The following LRRC49 variants were observed in gnomAD, a reference collection of about 807,000 sequenced individuals.
LRRC49 encodes the protein leucine rich repeat containing 49, also known as leucine-rich repeat-containing protein 49.
In LRRC49, 50 loss-of-function variants were observed where a neutral mutation model predicts 83.3. That is an observed-to-expected ratio of 0.60 (90% CI 0.48 to 0.76). The LOEUF (loss-of-function observed/expected upper bound fraction) is 0.76, where lower values mean the gene tolerates loss of function less well. Among genes scored for constraint, LRRC49 ranks in the 30% least tolerant of loss-of-function variants. The pLI is 0.00. For synonymous variants in LRRC49, 286 were observed against 283.3 expected (o/e 1.01, Z -0.10); for missense variants, 704 against 809.1 (o/e 0.87, Z 1.58).
At chr15:70,966,137 C>A (rs1333101136) in intron 9 of LRRC49, among the ~76,000 whole-genome samples, 2 of 152,056 alleles carry the variant, frequency 1.3e-5, no homozygotes, top group Non-Finnish European at 2.9e-5. Context: ...ACTATTTTTT[C>A]TCTTTAAGAA....
intron 8 of LRRC49, among the ~76,000 whole-genome samples, chr15:70,951,380 T>G (rs2036211886): frequency 6.6e-6 from 1 of 152,194 alleles, no homozygotes. Flanking sequence ...ATGTTGATTC[T>G]TCTTATCCTT....
chr15:70,865,726 T>A (rs2032894997), intron 1 of LRRC49, among the ~76,000 whole-genome samples: 2 of 152,194 alleles, frequency 1.3e-5, no homozygotes, highest in African/African-American at 4.8e-5. Flanking sequence ...GCAAGAAGTA[T>A]AACCTACCTG....
rs113210155 is a variant in LRRC49 at position 71,050,844 on chromosome 15, C to CTT, written c.*1244_*1245dup. The CTT allele has an allele frequency of 1.2e-4, 18 of 144,808 alleles. No individual in the cohort carries two copies. Among genetic ancestry groups the CTT allele is most frequent in the African/African-American group, 3.3e-4 (13 of 39,590 alleles). 9.0% of individuals were successfully genotyped at this position (144,808 alleles called of 1,614,324 possible). ...AAGGCTGTCCTGGTTTTTTCTTTTT[C>CTT]TTTTTTTTTTTTTGAGACAGAGTCT... On this transcript the variant is annotated 3_prime_UTR_variant, in exon 16 of 16. Coordinates refer to ENST00000260382, the MANE Select transcript of LRRC49 (RefSeq NM_017691.5).
intron 15 of LRRC49, among the ~76,000 whole-genome samples, chr15:71,047,668 A>T (rs1050820934): frequency 1.3e-5 from 2 of 152,158 alleles, no homozygotes; most frequent in Non-Finnish European, 2.9e-5. Context: ...ATGCTTTTTA[A>T]TTTCTTTCTC....
intron 2 of LRRC49, chr15:70,881,322 T>A (rs1175758424): frequency 5.3e-5 from 8 of 152,222 alleles, no homozygotes; most frequent in Non-Finnish European, 1.2e-4. Context: ...TTTTACACAA[T>A]CATTGTTCAG....
At chr15:70,987,731 G>A (rs560879564) in intron 11 of LRRC49, among the ~76,000 whole-genome samples, 22 of 152,106 alleles carry the variant, frequency 1.4e-4, no homozygotes, top group Admixed American at 1.4e-3. Context: ...TGATGTTAGG[G>A]TGTCAATTTT....
chr15:70,986,981 A>C (rs1341455544), intron 11 of LRRC49, among the ~76,000 whole-genome samples: 2 of 152,184 alleles, frequency 1.3e-5, no homozygotes, highest in South Asian at 2.1e-4. Flanking sequence ...CCCAGGGATG[A>C]AGCCCACTTG....
chr15:70,870,623 T>C (rs893642989), intron 1 of LRRC49, among the ~76,000 whole-genome samples: 1 of 152,226 alleles, frequency 6.6e-6, no homozygotes, highest in African/African-American at 2.4e-5. Flanking sequence ...CCCGAGTAGC[T>C]GGGATTACAG....
At chr15:71,029,355 G>T (rs1490254725) in intron 14 of LRRC49, among the ~76,000 whole-genome samples, 1 of 152,168 alleles carries the variant, frequency 6.6e-6, no homozygotes, top group African/African-American at 2.4e-5. Flanking sequence ...TCTTAATCCT[G>T]AGTTCTAATT....
At chr15:71,024,081 A>C (rs2039080909) in intron 14 of LRRC49, among the ~76,000 whole-genome samples, 1 of 152,208 alleles carries the variant, frequency 6.6e-6, no homozygotes, top group South Asian at 2.1e-4. Context: ...CAGCAACTCC[A>C]GCCAGGGGTT....
At chr15:70,881,456 C>G (rs1266057328) in intron 2 of LRRC49, 4 of 152,104 alleles carry the variant, frequency 2.6e-5, no homozygotes, top group African/African-American at 9.7e-5. Flanking sequence ...GCAAGTTCTT[C>G]TAATCATTCA....
intron 11 of LRRC49, among the ~76,000 whole-genome samples, chr15:70,990,955 T>G (rs553210580): frequency 2.0e-5 from 3 of 152,218 alleles, no homozygotes; most frequent in Admixed American, 6.5e-5. Flanking sequence ...AGGTAGTTGT[T>G]TCATGTGTGT....
intron 3 of LRRC49, among the ~76,000 whole-genome samples, chr15:70,896,409 T>C (rs1165846699): frequency 4.6e-5 from 7 of 152,128 alleles, no homozygotes; most frequent in African/African-American, 1.7e-4. Flanking sequence ...AAAATGCACA[T>C]TCTTAGTGCT....
At chr15:70,885,451 G>T (rs1170604729) in intron 2 of LRRC49, among the ~76,000 whole-genome samples, 1 of 152,066 alleles carries the variant, frequency 6.6e-6, no homozygotes, top group Non-Finnish European at 1.5e-5. Context: ...AGTAAAACTG[G>T]AAAATGAAGA....
chr15:70,898,108 C>G (rs1354455334), intron 3 of LRRC49, among the ~76,000 whole-genome samples: 3 of 152,172 alleles, frequency 2.0e-5, no homozygotes, highest in Non-Finnish European at 2.9e-5. Flanking sequence ...ATCCACCCAT[C>G]TGTTCATTTA....
chr15:70,881,887 A>T (rs1263722773), intron 2 of LRRC49: 2 of 152,196 alleles, frequency 1.3e-5, no homozygotes, highest in Non-Finnish European at 2.9e-5. Context: ...TTCTGTAAGA[A>T]CCATAGATTC....
chr15:71,047,869 T>G (rs2141314975), intron 15 of LRRC49, among the ~76,000 whole-genome samples: 1 of 151,960 alleles, frequency 6.6e-6, no homozygotes, highest in Non-Finnish European at 1.5e-5. Flanking sequence ...CTCCACCTCC[T>G]GGGTTCAAGC....
intron 3 of LRRC49, among the ~76,000 whole-genome samples, chr15:70,898,078 A>G (rs1252667803): frequency 6.6e-6 from 1 of 152,216 alleles, no homozygotes; most frequent in African/African-American, 2.4e-5. Context: ...TATGCCGTCC[A>G]TCCATCCACC....
chr15:70,947,554 G>A (rs1017499724), intron 8 of LRRC49, among the ~76,000 whole-genome samples: 6 of 152,180 alleles, frequency 3.9e-5, no homozygotes, highest in African/African-American at 1.2e-4. Context: ...TCACTTAGCA[G>A]TTCTAGTATA....
Sources: gnomAD v4.1 joint callset for allele counts (sites outside exome capture counted in the v4.1 genomes callset) on GRCh38, gnomAD v4.1.1 for gene constraint, MANE v1.5 for transcripts, NCBI Gene and HGNC (gene_info 2026-07-23, HGNC 2026-07-21) for gene names.